Variants in DAB2IP observed in about 807,000 individuals in gnomAD.
DAB2IP encodes DAB2 interacting protein.
In DAB2IP, 28 loss-of-function variants were observed where a neutral mutation model predicts 107.2. The observed-to-expected ratio is 0.26, with a 90% CI of 0.19 to 0.36. DAB2IP has a LOEUF of 0.36. Ranked by LOEUF, DAB2IP falls within the 10% of genes least tolerant of loss-of-function variation. The pLI, the probability that DAB2IP is intolerant of heterozygous loss-of-function variation, is 1.00. For missense variants in DAB2IP, 1,400 were observed against 1,644.7 expected, an observed-to-expected ratio of 0.85 and a Z score of 2.57; for synonymous variants, 755 against 706.4, an observed-to-expected ratio of 1.07 and a Z score of -1.09.
chr9:121,743,587 A>C (rs1032962102), intron 3 of DAB2IP, among the ~76,000 whole-genome samples: 1 of 152,224 alleles, frequency 6.6e-6, no homozygotes, highest in Admixed American at 6.5e-5. Flanking sequence ...CCCAGCGGAC[A>C]GGGCTGGAGT....
At chr9:121,610,960 G>C (rs1467962743) in intron 1 of DAB2IP, among the ~76,000 whole-genome samples, 1 of 151,956 alleles carries the variant, frequency 6.6e-6, no homozygotes, top group African/African-American at 2.4e-5. Flanking sequence ...TGAGTGGAGT[G>C]ACCATAAGAT....
At chr9:121,724,754 C>T (rs1031715370) in intron 3 of DAB2IP, among the ~76,000 whole-genome samples, 6 of 152,090 alleles carry the variant, frequency 3.9e-5, no homozygotes, top group African/African-American at 7.2e-5. Context: ...ACAGCTGCAG[C>T]GGGACAGAAC....
intron 1 of DAB2IP, among the ~76,000 whole-genome samples, chr9:121,670,699 G>A (rs1038834525): frequency 2.0e-5 from 3 of 152,134 alleles, no homozygotes; most frequent in African/African-American, 7.2e-5. Flanking sequence ...TCACCTTCTT[G>A]CTTCCCTCTT....
chr9:121,649,566 AACTC>A (rs1832666013), upstream of DAB2IP, among the ~76,000 whole-genome samples: 1 of 152,176 alleles, frequency 6.6e-6, no homozygotes, highest in Non-Finnish European at 1.5e-5. Context: ...GGGCCAGATG[AACTC>A]AGGCCCTGGG....
At chr9:121,658,040 A>T (rs923809576) in intron 1 of DAB2IP, among the ~76,000 whole-genome samples, 1 of 152,116 alleles carries the variant, frequency 6.6e-6, no homozygotes, top group Non-Finnish European at 1.5e-5. Flanking sequence ...GCTTTCCCTA[A>T]GATGAGCCCA....
At chr9:121,618,818 C>T (rs762213651) in intron 1 of DAB2IP, among the ~76,000 whole-genome samples, 1 of 152,152 alleles carries the variant, frequency 6.6e-6, no homozygotes, top group Non-Finnish European at 1.5e-5. Context: ...GCATCATAAT[C>T]GGTTTAATTA....
chr9:121,619,309 G>A (rs566526823), intron 1 of DAB2IP, among the ~76,000 whole-genome samples: 3 of 152,176 alleles, frequency 2.0e-5, no homozygotes, highest in African/African-American at 7.2e-5. Flanking sequence ...ACCACATCCC[G>A]CTAATTTTTG....
chr9:121,736,188 A>C lies in DAB2IP; in HGVS notation c.363-20825A>C, dbSNP rs1309393981. 6.6e-6 allele frequency among the ~76,000 whole-genome samples: 1 copy of C among 152,102 alleles called. No homozygotes were observed. ...TTCACTTGTTAAAATGTTGGAATGG[A>C]AATGTGGGGAAGGGAGAGCGTTTGC... On this transcript the variant is annotated intron_variant, in intron 3 of 15. Transcript: ENST00000408936. The surrounding 1 kb of genome is among the most constrained non-coding windows in gnomAD (Gnocchi z 4.6).
chr9:121,619,110 C>G (rs1312770171), intron 1 of DAB2IP, among the ~76,000 whole-genome samples: 1 of 152,060 alleles, frequency 6.6e-6, no homozygotes, highest in East Asian at 1.9e-4. Context: ...GCTCTTGGCA[C>G]TCTGATGGCT....
chr9:121,589,477 G>T (rs1245062015), intron 1 of DAB2IP, among the ~76,000 whole-genome samples: 1 of 152,054 alleles, frequency 6.6e-6, no homozygotes, highest in African/African-American at 2.4e-5. Flanking sequence ...TCATCTCCTT[G>T]GAAGCCTTTC....
chr9:121,600,208 G>C (rs928709651), intron 1 of DAB2IP, among the ~76,000 whole-genome samples: 2 of 152,172 alleles, frequency 1.3e-5, no homozygotes, highest in Non-Finnish European at 2.9e-5. Flanking sequence ...TGATAGGGCA[G>C]CCAACCAAAC....
At chr9:121,783,602 G>A (rs1359651851) in exon 16 of DAB2IP, 1 of 1,602,996 alleles carries the variant, frequency 6.2e-7, no homozygotes, top group Non-Finnish European at 8.5e-7. Context: ...AGTTGAGCGT[G>A]CGCACTGCAT....
At chr9:121,775,223 C>T (rs986149201) in intron 13 of DAB2IP, among the ~76,000 whole-genome samples, 1 of 152,208 alleles carries the variant, frequency 6.6e-6, no homozygotes, top group Non-Finnish European at 1.5e-5. Context: ...GCTCTCGCCC[C>T]GCTGGGCCCC....
chr9:121,650,278 C>T (rs1488445159), upstream of DAB2IP, among the ~76,000 whole-genome samples: 1 of 152,190 alleles, frequency 6.6e-6, no homozygotes, highest in Non-Finnish European at 1.5e-5. Flanking sequence ...AGTAACACCC[C>T]TCCTGCCCCT....
rs534780499 is a variant in DAB2IP, at chr9:121,593,446, A to G, written c.40+26218A>G. 2.0e-5 allele frequency among the ~76,000 whole-genome samples: 3 copies of G among 151,252 alleles called. No homozygotes were observed. The South Asian group carries it at 6.3e-4, about 32-fold the overall frequency. On this transcript the variant is annotated intron_variant, in intron 1 of 16. Transcript: ENST00000259371. The stretch of plus-strand genomic sequence containing the variant: ...CCGTGCTCGGCTAATTGTCTTTTCA[A>G]TTTTTTGTAGAGATGGGGTCTTGCC...
intron 5 of DAB2IP, among the ~76,000 whole-genome samples, chr9:121,759,200 T>A (rs1833709079): frequency 6.6e-6 from 1 of 152,130 alleles, no homozygotes; most frequent in South Asian, 2.1e-4. Flanking sequence ...TGTGCCTCTG[T>A]TTTCTAAGCT....
intron 3 of DAB2IP, among the ~76,000 whole-genome samples, chr9:121,749,586 TG>T (rs1832962094): frequency 6.6e-6 from 1 of 152,162 alleles, no homozygotes; most frequent in South Asian, 2.1e-4. Flanking sequence ...GCTGGTGGGC[TG>T]GAGACTGGGG....
chr9:121,615,206 G>A (rs1041776966), intron 1 of DAB2IP, among the ~76,000 whole-genome samples: 29 of 152,276 alleles, frequency 1.9e-4, no homozygotes, highest in Admixed American at 7.8e-4. Context: ...AGAAAAGAAG[G>A]TTAAGAAAAG....
rs1182172065 is a variant in DAB2IP at position 121,617,731 on chromosome 9, T to C, written c.40+50503T>C. On this transcript the variant is annotated intron_variant, in intron 1 of 16. Coordinates refer to the DAB2IP transcript ENST00000259371. ...TGAGGAAATCGAGGCCCAGGGTGAT[T>C]GGTTCACACCATGAGTTAACAGTGG... is the stretch of plus-strand genomic sequence containing the variant. 2.0e-5 allele frequency among the ~76,000 whole-genome samples: 3 copies of C among 152,252 alleles called. No individual in the cohort carries two copies. The East Asian group carries it at 5.8e-4, about 29-fold the overall frequency.
Sources: allele counts gnomAD v4.1 joint callset (sites outside exome capture counted in the v4.1 genomes callset), GRCh38; gene constraint gnomAD v4.1.1; non-coding constraint Gnocchi (gnomAD v3.1); transcripts MANE v1.5; gene names NCBI Gene and HGNC (gene_info 2026-07-23, HGNC 2026-07-21).